ZNF75A: variants seen among roughly 807,000 people sequenced by gnomAD.
ZNF75A encodes the protein zinc finger protein 75A.
A neutral mutation model predicts 46.3 loss-of-function variants in ZNF75A; 36 were observed. The observed-to-expected ratio is 0.78, with a 90% CI of 0.60 to 1.03. The LOEUF (loss-of-function observed/expected upper bound fraction) is 1.03. Among genes scored for constraint, ZNF75A ranks in the 50% least tolerant of loss-of-function variants. ZNF75A has a pLI of 0.00. For missense variants in ZNF75A, 595 were observed against 551.3 expected, an observed-to-expected ratio of 1.08 and a Z score of -0.79; for synonymous variants, 234 against 189.9, an observed-to-expected ratio of 1.23 and a Z score of -1.91.
rs1960834712 is a variant in ZNF75A at position 3,311,916 on chromosome 16, C to T, written c.572C>T (p.Thr191Ile). ...CTGCAAGAACAGCTCAGCAGGAATACTCATAAAGAGACTGAGCCTGTGTAT... is the reference window on the plus strand; with the variant it reads ...CTGCAAGAACAGCTCAGCAGGAATATTCATAAAGAGACTGAGCCTGTGTAT... ...EGLQEQLSRN[T>I]HKETEPVYER... Residue 191 changes from threonine to isoleucine, a missense_variant, in exon 3 of 7, where the codon ACT becomes ATT. Physicochemically the swap from Thr to Ile is moderately conservative, Grantham distance 89. Coordinates refer to ENST00000669516, the MANE Select transcript of ZNF75A (RefSeq NM_001302109.2). The T allele has an allele frequency of 1.0e-6, 1 of 988,478 alleles. No individual in the cohort carries two copies. The highest frequency in any genetic ancestry group is 1.2e-6 in the Non-Finnish European group (1 of 831,044). The allele number at this position is 988,478 out of a possible 1,614,324, so 61.2% of individuals were successfully genotyped here.
In ZNF75A at chr16:3,315,166, A is replaced by G; in HGVS notation, c.824-1746A>G. ...GGGCATCAGCATTATCCAGTTGCTC[A>G]GGGCAAACAAAGTACTGTCATGTTT... On this transcript the variant is annotated intron_variant, in intron 5 of 6. Coordinates refer to ENST00000669516, the MANE Select transcript of ZNF75A (RefSeq NM_001302109.2). 4.2e-6 allele frequency: 3 copies of G among 715,566 alleles called. No homozygotes were observed. In the South Asian group the frequency reaches 1.9e-4, roughly 45 times the overall value. The allele number at this position is 715,566 out of a possible 1,614,324, so 44.3% of individuals were successfully genotyped here.
At chr16:3,311,190 C>T (rs917401086) in intron 2 of ZNF75A, among the ~76,000 whole-genome samples, 32 of 151,626 alleles carry the variant, frequency 2.1e-4, no homozygotes, top group African/African-American at 7.3e-4. Context: ...ATAATCCCAG[C>T]ACTTTGGGAG....
In ZNF75A at chr16:3,305,623, AC is replaced by A. The variant is rs1388496510; in HGVS notation, c.-136del. On this transcript the variant is annotated 5_prime_UTR_variant, in exon 1 of 7. Coordinates refer to ENST00000669516, the MANE Select transcript of ZNF75A (RefSeq NM_001302109.2). ...CCTCAGAAAGCGAGGAGCGGCCTCC[AC>A]GGAAGCCAAGCTGGCCGAGGTAACC... is the stretch of plus-strand genomic sequence containing the variant. The A allele has an allele frequency of 6.6e-6, 1 of 152,216 alleles. No individual in the cohort carries two copies. The highest frequency in any genetic ancestry group is 2.4e-5 in the African/African-American group (1 of 41,460). 9.4% of individuals were successfully genotyped at this position (152,216 alleles called of 1,614,324 possible).
chr16:3,308,688 T>TA lies in ZNF75A; in HGVS notation c.261dup (p.Leu88ThrfsTer30). ...CCAGAGATCCACTCAAAAGAGCAGA[T>TA]ACTGGAACTGCTGGTGCTGGAGCAG... is the stretch of plus-strand genomic sequence containing the variant. On this transcript the variant is annotated frameshift_variant, in exon 2 of 7. Transcript: ENST00000669516. LOFTEE classifies it high-confidence loss of function. 1.0e-6 allele frequency: 1 copy of TA among 992,762 alleles called. No homozygotes were observed. The highest frequency in any genetic ancestry group is 1.2e-6 in the Non-Finnish European group (1 of 833,210). 61.5% of individuals were successfully genotyped at this position (992,762 alleles called of 1,614,324 possible).
chr16:3,313,737 A>G (rs941301650), intron 5 of ZNF75A, among the ~76,000 whole-genome samples: 1 of 152,124 alleles, frequency 6.6e-6, no homozygotes, highest in African/African-American at 2.4e-5. Context: ...TAAAAACCTA[A>G]TCAGATCATG....
At chr16:3,320,131 C>T (rs1437672680), downstream of ZNF75A, among the ~76,000 whole-genome samples, 6 of 152,036 alleles carry the variant, frequency 3.9e-5, no homozygotes, top group South Asian at 2.1e-4. Context: ...CTGCAAGCTC[C>T]GCCTCCTGGG....
At position 3,310,685 on chromosome 16, in the gene ZNF75A, CAT is replaced by C. The variant is rs548068294; in HGVS notation, c.409-1066_409-1065del. On this transcript the variant is annotated intron_variant, in intron 2 of 6. Coordinates refer to ENST00000669516, the MANE Select transcript of ZNF75A (RefSeq NM_001302109.2). ...GGGAAGACTGCACAAGAAAAGAAAA[CAT>C]AGAAAAAAGGGAAACAAAGATTTGG... 134 of 985,470 alleles carry C rather than the reference CAT, an allele frequency of 1.4e-4. No homozygotes were observed. In the East Asian group the frequency reaches 7.3e-3, roughly 53 times the overall value. The allele number at this position is 985,470 out of a possible 1,614,324, so 61.0% of individuals were successfully genotyped here.
intron 5 of ZNF75A, among the ~76,000 whole-genome samples, chr16:3,313,476 C>G (rs1960963163): frequency 1.3e-5 from 2 of 152,302 alleles, no homozygotes; most frequent in South Asian, 4.1e-4. Flanking sequence ...TCAAGGCATA[C>G]AAAGTAACAG....
chr16:3,315,188 GTT>G (rs1330115244), intron 5 of ZNF75A: 3,699 of 228,312 alleles, frequency 0.016, no homozygotes, highest in Non-Finnish European at 0.022. Flanking sequence ...GTACTGTCAT[GTT>G]TTTTTTTTTT....
At chr16:3,307,703 T>A (rs995369327) in intron 1 of ZNF75A, 2 of 147,100 alleles carry the variant, frequency 1.4e-5, no homozygotes, top group African/African-American at 2.7e-5. Flanking sequence ...TCTTCAAATT[T>A]TGTGTTTTGT....
At position 3,317,880 on chromosome 16, in the gene ZNF75A, G is replaced by A. The variant is rs776892442; in HGVS notation, c.*11G>A. On this transcript the variant is annotated 3_prime_UTR_variant, in exon 7 of 7. Transcript: ENST00000669516. ...AAACTCCACCTGTGAAGAGAAGCTT[G>A]TCCAGTGTCCTCATTCTGAAGACAT... 1.6e-5 allele frequency: 26 copies of A among 1,577,568 alleles called. 1 individual carries two copies. In the South Asian group the frequency reaches 3.0e-4, roughly 18 times the overall value.
intron 1 of ZNF75A, chr16:3,307,150 A>T (rs535169320): frequency 2.6e-5 from 4 of 152,238 alleles, no homozygotes; most frequent in African/African-American, 7.2e-5. Flanking sequence ...AGGTTTCACC[A>T]TGTTGGCCAG....
Position 3,318,171 on chromosome 16 carries a change from C to T in ZNF75A, c.*302C>T. 1 of 1,105,022 alleles carries T rather than the reference C, an allele frequency of 9.0e-7. No homozygotes were observed. Among genetic ancestry groups the T allele is most frequent in the Non-Finnish European group, 1.1e-6 (1 of 906,868 alleles). 68.5% of individuals were successfully genotyped at this position (1,105,022 alleles called of 1,614,324 possible). On this transcript the variant is annotated 3_prime_UTR_variant, in exon 7 of 7. Transcript: ENST00000669516. Reference sequence around the variant, plus strand: ...AAGCAGTAACATGCATGTTTAATTGCATACCATTCTCTTCACAGTAGCAGG... The same window carrying T: ...AAGCAGTAACATGCATGTTTAATTGTATACCATTCTCTTCACAGTAGCAGG...
downstream of ZNF75A, among the ~76,000 whole-genome samples, chr16:3,319,799 T>TA (rs1159015658): frequency 8.0e-5 from 12 of 149,820 alleles, no homozygotes; most frequent in African/African-American, 2.5e-4. Flanking sequence ...TTTTTTTTAT[T>TA]TTTTTTTTTA....
At chr16:3,306,286 G>T (rs1263780662) in intron 1 of ZNF75A, 1 of 151,818 alleles carries the variant, frequency 6.6e-6, no homozygotes, top group Non-Finnish European at 1.5e-5. Flanking sequence ...TGTTGGAGTT[G>T]ATATTTCATA....
At chr16:3,312,982 T>C in intron 4 of ZNF75A, 67 bp from the exon 5 acceptor site, 5 of 1,525,102 alleles carry the variant, frequency 3.3e-6, no homozygotes, top group Non-Finnish European at 3.5e-6. Flanking sequence ...GGCCAATTCA[T>C]AGCCAGGTGG....
At chr16:3,316,240 C>G (rs1231567245) in intron 5 of ZNF75A, 4 of 152,200 alleles carry the variant, frequency 2.6e-5, no homozygotes, top group Non-Finnish European at 5.9e-5. Flanking sequence ...TACTATATCC[C>G]TAGCCCTCGA....
downstream of ZNF75A, among the ~76,000 whole-genome samples, chr16:3,320,703 G>A (rs1442490300): frequency 5.9e-5 from 9 of 152,226 alleles, no homozygotes. Context: ...AATGGGCTAT[G>A]GTGGGGGTTA....
chr16:3,306,137 G>A (rs1288364249), intron 1 of ZNF75A: 1 of 152,190 alleles, frequency 6.6e-6, no homozygotes, highest in Non-Finnish European at 1.5e-5. Context: ...ATCCTGGGCA[G>A]AATTTCGGTG....
Sources: gnomAD v4.1 joint callset for allele counts (sites outside exome capture counted in the v4.1 genomes callset) on GRCh38, gnomAD v4.1.1 for gene constraint, MANE v1.5 for transcripts, NCBI Gene and HGNC (gene_info 2026-07-23, HGNC 2026-07-21) for gene names.